The following PARD3 variants were observed in gnomAD, a reference collection of about 807,000 sequenced individuals.
The protein encoded by PARD3 is par-3 family cell polarity regulator, also known as partitioning defective 3 homolog.
A neutral mutation model predicts 155.4 loss-of-function variants in PARD3; 75 were observed. The observed-to-expected ratio is 0.48, with a 90% CI of 0.40 to 0.58. The LOEUF (loss-of-function observed/expected upper bound fraction) is 0.58, where lower values mean the gene tolerates loss of function less well. PARD3 is among the 20% of genes least tolerant of loss of function. PARD3 has a pLI of 0.00. For synonymous variants in PARD3, 576 were observed against 610.5 expected, an observed-to-expected ratio of 0.94 and a Z score of 0.83; for missense variants, 1,642 against 1,721.7, an observed-to-expected ratio of 0.95 and a Z score of 0.82.
intron 5 of PARD3, among the ~76,000 whole-genome samples, chr10:34,443,644 T>C (rs1381373438): frequency 6.6e-6 from 1 of 152,120 alleles, no homozygotes; most frequent in African/African-American, 2.4e-5. Context: ...AAGACCTGCC[T>C]GCCCCCATGA....
intron 1 of PARD3, among the ~76,000 whole-genome samples, chr10:34,783,101 G>A (rs1469593155): frequency 6.6e-6 from 1 of 152,100 alleles, no homozygotes; most frequent in Non-Finnish European, 1.5e-5. Context: ...ATTTAGTTGA[G>A]TCAAGTTGAA....
chr10:34,555,137 T>C (rs1589992993), intron 2 of PARD3, among the ~76,000 whole-genome samples: 1 of 152,204 alleles, frequency 6.6e-6, no homozygotes, highest in African/African-American at 2.4e-5. Context: ...GATGTGTCCA[T>C]GTAGGTTCAT....
chr10:34,749,943 G>T (rs890219377), intron 1 of PARD3, among the ~76,000 whole-genome samples: 3 of 152,024 alleles, frequency 2.0e-5, no homozygotes, highest in Non-Finnish European at 2.9e-5. Context: ...GATCCCTTGA[G>T]CCCAATAGGC....
intron 5 of PARD3, among the ~76,000 whole-genome samples, chr10:34,430,809 G>A (rs2075861183): frequency 6.6e-6 from 1 of 152,192 alleles, no homozygotes; most frequent in Admixed American, 6.5e-5. Context: ...GATCACAGGG[G>A]TCAGGCTAAT....
chr10:34,218,358 A>G (rs1180934403), intron 22 of PARD3, among the ~76,000 whole-genome samples: 1 of 152,178 alleles, frequency 6.6e-6, no homozygotes, highest in Non-Finnish European at 1.5e-5. Flanking sequence ...AAAATCTCAT[A>G]ATCAACTTCT....
At chr10:34,745,280 A>G (rs553703457) in intron 1 of PARD3, among the ~76,000 whole-genome samples, 1 of 152,192 alleles carries the variant, frequency 6.6e-6, no homozygotes, top group South Asian at 2.1e-4. Context: ...GAGAATCTCT[A>G]GAGCCCAAGA....
chr10:34,243,692 T>C (rs987784718), intron 22 of PARD3, among the ~76,000 whole-genome samples: 3 of 152,070 alleles, frequency 2.0e-5, no homozygotes, highest in African/African-American at 4.8e-5. Context: ...AAAAATTGGC[T>C]GGGTGTGTCG....
intron 20 of PARD3, among the ~76,000 whole-genome samples, chr10:34,312,922 C>T (rs1468842484): frequency 3.9e-5 from 6 of 152,142 alleles, no homozygotes; most frequent in Non-Finnish European, 7.3e-5. Flanking sequence ...AAAAAGCGAG[C>T]ACATGATTTT....
chr10:34,814,883 A>C lies in PARD3; in HGVS notation c.113T>G (p.Ile38Ser). ...GCGCCCCCGGCCCCTCACCTTGGCGATGGCCTTCCGGTAGCGGGTCACCGC... is the reference window on the plus strand; with the variant it reads ...GCGCCCCCGGCCCCTCACCTTGGCGCTGGCCTTCCGGTAGCGGGTCACCGC... ...QQAVTRYRKA[I>S]AKDPNYWIQV... The change falls in exon 1 of 25, where the codon ATC becomes AGC. Residue 38 changes from isoleucine to serine, a missense_variant. Physicochemically the swap from Ile to Ser is moderately radical, Grantham distance 142. Coordinates refer to ENST00000374788, the MANE Select transcript of PARD3 (RefSeq NM_001184785.2). The C allele has an allele frequency of 2.1e-6, 3 of 1,445,046 alleles. No homozygotes were observed. Among genetic ancestry groups the C allele is most frequent in the East Asian group, 3.1e-5 (1 of 32,422 alleles). The allele number at this position is 1,445,046 out of a possible 1,614,324, so 89.5% of individuals were successfully genotyped here. A position where few individuals can be genotyped will look rare whatever the true frequency, so the allele number is the denominator to read the frequency against.
intron 2 of PARD3, among the ~76,000 whole-genome samples, chr10:34,624,015 T>C (rs1475301504): frequency 2.0e-5 from 3 of 151,342 alleles, no homozygotes; most frequent in African/African-American, 7.3e-5. Flanking sequence ...CATGCAGCTG[T>C]CCTTGCTCTG....
chr10:34,632,984 G>A (rs372757340), intron 2 of PARD3, among the ~76,000 whole-genome samples: 154 of 152,330 alleles, frequency 1.0e-3, no homozygotes, highest in African/African-American at 3.4e-3. Flanking sequence ...ACAACAGAGC[G>A]GGGCTTTCAC....
At chr10:34,688,102 T>C (rs2093983136) in intron 2 of PARD3, among the ~76,000 whole-genome samples, 2 of 152,056 alleles carry the variant, frequency 1.3e-5, no homozygotes, top group Admixed American at 1.3e-4. Flanking sequence ...ATCCACCCGC[T>C]TTGGCCTCCC....
chr10:34,486,059 G>C (rs780157226), intron 3 of PARD3, among the ~76,000 whole-genome samples: 2 of 151,844 alleles, frequency 1.3e-5, no homozygotes, highest in Non-Finnish European at 2.9e-5. Context: ...AAGCAGCTGG[G>C]ACTACAGGTG....
chr10:34,345,653 G>C (rs529409098), intron 15 of PARD3: 2 of 985,368 alleles, frequency 2.0e-6, no homozygotes, highest in South Asian at 9.4e-5. Context: ...TGGAACTATG[G>C]AATTCATGAC....
chr10:34,291,024 G>A, intron 20 of PARD3, among the ~76,000 whole-genome samples: 1 of 152,104 alleles, frequency 6.6e-6, no homozygotes, highest in East Asian at 1.9e-4. Context: ...TTTGATCCAA[G>A]TTTCTCTGGG....
chr10:34,282,095 T>A, intron 21 of PARD3, among the ~76,000 whole-genome samples: 1 of 124,526 alleles, frequency 8.0e-6, no homozygotes, highest in Non-Finnish European at 1.8e-5. Context: ...CTTGCCCTAT[T>A]AAAATACAAG....
At chr10:34,274,014 G>A (rs1955758178) in intron 21 of PARD3, among the ~76,000 whole-genome samples, 1 of 152,148 alleles carries the variant, frequency 6.6e-6, no homozygotes, top group Non-Finnish European at 1.5e-5. Context: ...TAATCCAGCA[G>A]TGTCCCCAAT....
chr10:34,207,765 A>C (rs1951547865), intron 22 of PARD3, among the ~76,000 whole-genome samples: 1 of 152,184 alleles, frequency 6.6e-6, no homozygotes, highest in African/African-American at 2.4e-5. Flanking sequence ...CTTAATCCCT[A>C]TGTTAAATAG....
At chr10:34,330,863 A>G (rs1434251281) in intron 19 of PARD3, among the ~76,000 whole-genome samples, 3 of 152,180 alleles carry the variant, frequency 2.0e-5, no homozygotes, top group Non-Finnish European at 2.9e-5. Context: ...ACAGATTCTC[A>G]TATCTGCTTC....
Sources: allele counts gnomAD v4.1 joint callset (sites outside exome capture counted in the v4.1 genomes callset), GRCh38; gene constraint gnomAD v4.1.1; transcripts MANE v1.5; gene names NCBI Gene and HGNC (gene_info 2026-07-23, HGNC 2026-07-21).